Variants in GRIK1 observed in about 807,000 individuals in gnomAD.
GRIK1 encodes glutamate ionotropic receptor kainate type subunit 1.
A neutral mutation model predicts 105.7 loss-of-function variants in GRIK1; 69 were observed. That is an observed-to-expected ratio of 0.65 (90% confidence interval 0.54 to 0.80). The LOEUF is 0.80. GRIK1 is among the 30% of genes least tolerant of loss of function. GRIK1 has a pLI of 0.00. For synonymous variants in GRIK1, 438 were observed against 431.3 expected (o/e 1.02, Z -0.19); for missense variants, 1,109 against 1,167.3 (o/e 0.95, Z 0.73).
chr21:29,915,395 A>G (rs192865698), intron 1 of GRIK1, among the ~76,000 whole-genome samples: 162 of 152,138 alleles, frequency 1.1e-3, no homozygotes, highest in African/African-American at 3.6e-3. Context: ...ATACAACTAA[A>G]TCATTAATTC....
chr21:29,929,441 C>T (rs966032819), intron 1 of GRIK1, among the ~76,000 whole-genome samples: 1 of 152,224 alleles, frequency 6.6e-6, no homozygotes, highest in Non-Finnish European at 1.5e-5. Context: ...CCCTTTTCCA[C>T]ATGAACTAAC....
At chr21:29,668,812 T>A (rs909817488) in intron 4 of GRIK1, among the ~76,000 whole-genome samples, 3 of 152,076 alleles carry the variant, frequency 2.0e-5, no homozygotes, top group Non-Finnish European at 1.5e-5. Context: ...TGAATGAGGG[T>A]GTATATGAAG....
intron 1 of GRIK1, among the ~76,000 whole-genome samples, chr21:29,893,689 G>A (rs2069994967): frequency 6.6e-6 from 1 of 152,192 alleles, no homozygotes; most frequent in Non-Finnish European, 1.5e-5. Context: ...GCACTGAATT[G>A]ATGTAGAATA....
At chr21:29,779,894 C>T (rs2066045908) in intron 1 of GRIK1, among the ~76,000 whole-genome samples, 1 of 152,082 alleles carries the variant, frequency 6.6e-6, no homozygotes, top group South Asian at 2.1e-4. Context: ...TGACTGTGAC[C>T]TGCAAAATAC....
chr21:29,607,575 C>T (rs950968274), intron 7 of GRIK1, among the ~76,000 whole-genome samples: 1 of 152,076 alleles, frequency 6.6e-6, no homozygotes, highest in Admixed American at 6.6e-5. Context: ...AAAAAGTTCA[C>T]AGAAATTGCT....
intron 1 of GRIK1, among the ~76,000 whole-genome samples, chr21:29,817,248 A>G (rs1202233820): frequency 1.3e-5 from 2 of 152,146 alleles, no homozygotes; most frequent in African/African-American, 2.4e-5. Flanking sequence ...TTGCATGAAT[A>G]AAAGTTCATG....
chr21:29,905,531 C>T (rs1190565852), intron 1 of GRIK1, among the ~76,000 whole-genome samples: 2 of 151,180 alleles, frequency 1.3e-5, no homozygotes, highest in African/African-American at 2.4e-5. Context: ...CTGCAACCTC[C>T]GTCTCCTGGG....
chr21:29,616,316 A>T (rs909107895), intron 7 of GRIK1, among the ~76,000 whole-genome samples: 42 of 152,158 alleles, frequency 2.8e-4, no homozygotes, highest in African/African-American at 7.2e-4. Flanking sequence ...GTTTAGATTT[A>T]AAAAAAATAG....
At chr21:29,867,900 GAGAA>G (rs758141898) in intron 1 of GRIK1, among the ~76,000 whole-genome samples, 3,840 of 124,324 alleles carry the variant, frequency 0.031, 216 homozygotes, top group African/African-American at 0.11. Flanking sequence ...GAGAGAGAGA[GAGAA>G]AGAAAGAGAG....
intron 1 of GRIK1, among the ~76,000 whole-genome samples, chr21:29,816,129 G>C (rs913004773): frequency 1.3e-5 from 2 of 151,996 alleles, no homozygotes; most frequent in African/African-American, 4.8e-5. Context: ...TAAAATGTGG[G>C]CAAAGGATAC....
chr21:29,772,371 C>T (rs2065834053), intron 1 of GRIK1, among the ~76,000 whole-genome samples: 1 of 152,206 alleles, frequency 6.6e-6, no homozygotes, highest in South Asian at 2.1e-4. Flanking sequence ...TCTACAACAG[C>T]ATCAACACTC....
chr21:29,695,769 G>T (rs1452584527), intron 1 of GRIK1, among the ~76,000 whole-genome samples: 1 of 152,094 alleles, frequency 6.6e-6, no homozygotes, highest in Non-Finnish European at 1.5e-5. Flanking sequence ...CACCGTGCCT[G>T]GCCCAGGCTG....
chr21:29,905,362 T>C (rs2070573772), intron 1 of GRIK1, among the ~76,000 whole-genome samples: 1 of 151,822 alleles, frequency 6.6e-6, no homozygotes, highest in South Asian at 2.1e-4. Context: ...GTCTATAAAA[T>C]GGACAGTTAA....
At chr21:29,704,543 G>T (rs2063868333) in intron 1 of GRIK1, among the ~76,000 whole-genome samples, 1 of 152,126 alleles carries the variant, frequency 6.6e-6, no homozygotes, top group African/African-American at 2.4e-5. Flanking sequence ...GCAATGATTT[G>T]GTCATAGTAT....
intron 7 of GRIK1, among the ~76,000 whole-genome samples, chr21:29,604,501 A>G (rs189336878): frequency 7.0e-4 from 106 of 152,304 alleles, no homozygotes; most frequent in Admixed American, 1.9e-3. Context: ...TGAATATGCA[A>G]TGACTAATTC....
chr21:29,905,917 C>G (rs1027051440), intron 1 of GRIK1, among the ~76,000 whole-genome samples: 1 of 151,758 alleles, frequency 6.6e-6, no homozygotes. Context: ...CGTGAGCCAC[C>G]GCACCTGGCC....
chr21:29,889,348 T>C (rs1446111260), intron 1 of GRIK1, among the ~76,000 whole-genome samples: 1 of 152,160 alleles, frequency 6.6e-6, no homozygotes, highest in African/African-American at 2.4e-5. Flanking sequence ...CCGAGTTCTT[T>C]TAAAAGATAT....
chr21:29,911,075 T>C (rs2070798581), intron 1 of GRIK1, among the ~76,000 whole-genome samples: 1 of 152,126 alleles, frequency 6.6e-6, no homozygotes, highest in Non-Finnish European at 1.5e-5. Context: ...GTGTTAAGTA[T>C]TGTGCTTGAC....
intron 1 of GRIK1, among the ~76,000 whole-genome samples, chr21:29,726,593 GCT>G (rs1474744089): frequency 1.3e-5 from 2 of 151,856 alleles, no homozygotes; most frequent in African/African-American, 4.8e-5. Context: ...ACATTGTTAA[GCT>G]CTCTATATAG....
Sources: gnomAD v4.1 joint callset for allele counts (sites outside exome capture counted in the v4.1 genomes callset) on GRCh38, gnomAD v4.1.1 for gene constraint, MANE v1.5 for transcripts, NCBI Gene and HGNC (gene_info 2026-07-23, HGNC 2026-07-21) for gene names.